DSCAM: variants seen among roughly 807,000 people sequenced by gnomAD.
The protein encoded by DSCAM is cell adhesion molecule DSCAM.
A neutral mutation model predicts 217.7 loss-of-function variants in DSCAM; 47 were observed. The observed-to-expected ratio is 0.22, with a 90% CI of 0.17 to 0.28. DSCAM has a LOEUF of 0.28. DSCAM is among the 10% of genes least tolerant of loss of function. The pLI, the probability that DSCAM is intolerant of heterozygous loss-of-function variation, is 1.00. For missense variants in DSCAM, 2,080 were observed against 2,618.3 expected (o/e 0.79, Z 4.49); for synonymous variants, 1,056 against 1,015.3 (o/e 1.04, Z -0.76).
intron 3 of DSCAM, among the ~76,000 whole-genome samples, chr21:40,377,887 A>C (rs1025709506): frequency 6.6e-6 from 1 of 152,200 alleles, no homozygotes; most frequent in African/African-American, 2.4e-5. Flanking sequence ...GTACATATAC[A>C]ACCTGTACAA....
intron 11 of DSCAM, among the ~76,000 whole-genome samples, chr21:40,220,674 A>G (rs1207905445): frequency 6.6e-6 from 1 of 152,222 alleles, no homozygotes; most frequent in Admixed American, 6.5e-5. Context: ...GATGTATTAG[A>G]ATAGCTATAT....
chr21:40,813,871 T>G (rs554589247), intron 1 of DSCAM, among the ~76,000 whole-genome samples: 2 of 152,244 alleles, frequency 1.3e-5, no homozygotes, highest in East Asian at 3.9e-4. Flanking sequence ...GGTCTTGAAC[T>G]CCTGACCTAG....
intron 32 of DSCAM, among the ~76,000 whole-genome samples, chr21:40,017,801 C>A (rs111343994): frequency 6.6e-6 from 1 of 152,190 alleles, no homozygotes; most frequent in African/African-American, 2.4e-5. Flanking sequence ...ATCCACCCGC[C>A]TCAGCCTCCC....
At chr21:40,537,011 T>C (rs182329477) in intron 3 of DSCAM, among the ~76,000 whole-genome samples, 1 of 152,202 alleles carries the variant, frequency 6.6e-6, no homozygotes, top group East Asian at 1.9e-4. Context: ...TTCCAAACTT[T>C]CCGGATGAAA....
intron 3 of DSCAM, among the ~76,000 whole-genome samples, chr21:40,480,741 G>A (rs2075975163): frequency 6.6e-6 from 1 of 152,186 alleles, no homozygotes; most frequent in South Asian, 2.1e-4. Context: ...GAAAGTTTAA[G>A]TGACAGTAAA....
chr21:40,674,543 T>C (rs1266861352), intron 3 of DSCAM, among the ~76,000 whole-genome samples: 1 of 152,208 alleles, frequency 6.6e-6, no homozygotes, highest in South Asian at 2.1e-4. Flanking sequence ...AAATTATCAA[T>C]TCAGGCTACA....
At chr21:40,110,357 T>A (rs2146633470) in intron 20 of DSCAM, among the ~76,000 whole-genome samples, 1 of 152,310 alleles carries the variant, frequency 6.6e-6, no homozygotes, top group Non-Finnish European at 1.5e-5. Context: ...CTGAGGGTCC[T>A]GACTGTCAGA....
Position 40,167,265 on chromosome 21 carries a change from C to A in DSCAM, c.2971G>T (p.Val991Phe), listed in dbSNP as rs2090606547. The change falls in exon 16 of 33, where the codon GTT becomes TTT. Residue 991 changes from valine (V) to phenylalanine (F), a missense_variant. Val to Phe is a conservative substitution (Grantham distance 50). Coordinates refer to ENST00000400454, the MANE Select transcript of DSCAM (RefSeq NM_001389.5). ...TGAGATGATATAGGCTCCAGGTGAA[C>A]TTCCTGAGGTGGACCATCAGGAGCT... is the stretch of plus-strand genomic sequence containing the variant. ...EAAPDGPPQE[V>F]HLEPISSQSI... 1.2e-6 allele frequency: 2 copies of A among 1,614,060 alleles called. No homozygotes were observed. Among genetic ancestry groups the A allele is most frequent in the East Asian group, 4.5e-5 (2 of 44,862 alleles).
At chr21:40,255,575 G>A (rs2073359522) in intron 11 of DSCAM, among the ~76,000 whole-genome samples, 1 of 152,114 alleles carries the variant, frequency 6.6e-6, no homozygotes, top group Non-Finnish European at 1.5e-5. Flanking sequence ...TCTCTGGGTG[G>A]GTCCAGAGAC....
chr21:40,402,049 C>CTTTTTTTT (rs71186933), intron 3 of DSCAM, among the ~76,000 whole-genome samples: 7 of 58,258 alleles, frequency 1.2e-4, no homozygotes, highest in Non-Finnish European at 1.7e-4. Context: ...ATTCTTATTC[C>CTTTTTTTT]TTTTTTTTTT....
At chr21:40,535,153 T>C (rs577284897) in intron 3 of DSCAM, among the ~76,000 whole-genome samples, 83 of 152,348 alleles carry the variant, frequency 5.4e-4, no homozygotes, top group African/African-American at 1.9e-3. Context: ...TTAAAATGGA[T>C]ACAATGACAC....
At chr21:40,417,078 T>C (rs2075379120) in intron 3 of DSCAM, among the ~76,000 whole-genome samples, 1 of 152,206 alleles carries the variant, frequency 6.6e-6, no homozygotes, top group Non-Finnish European at 1.5e-5. Flanking sequence ...CGTCCATATT[T>C]GCATTTCCAA....
At chr21:40,181,926 T>C (rs2090807222) in intron 14 of DSCAM, among the ~76,000 whole-genome samples, 1 of 151,386 alleles carries the variant, frequency 6.6e-6, no homozygotes, top group South Asian at 2.1e-4. Context: ...GGGAGACTGG[T>C]GGTGTAGGAG....
At chr21:40,124,144 AGCTCGTCCCTGGCAGAC>A in intron 20 of DSCAM, 34 bp downstream of exon 20, 1 of 1,611,050 alleles carries the variant, frequency 6.2e-7, no homozygotes, top group Non-Finnish European at 8.5e-7. Context: ...GAGCACCTGC[AGCTCGTCCCTGGCAGAC>A]GCTTGAAAGG....
At chr21:40,695,935 C>T (rs1022737544) in intron 2 of DSCAM, among the ~76,000 whole-genome samples, 6 of 152,052 alleles carry the variant, frequency 3.9e-5, no homozygotes, top group South Asian at 4.1e-4. Flanking sequence ...CTGTCTATGG[C>T]GATATATCTC....
chr21:40,436,995 G>C lies in DSCAM; in HGVS notation c.509-67750C>G, dbSNP rs538412883. ...TGCATGTGAGTTATGGCCTCTTTTT[G>C]GGAAATAGTGTGTTACACTTACTGC... On this transcript the variant is annotated intron_variant, in intron 3 of 32. Coordinates refer to ENST00000400454, the MANE Select transcript of DSCAM (RefSeq NM_001389.5). Among the ~76,000 whole-genome samples, 3 of 152,246 alleles carry C rather than the reference G, an allele frequency of 2.0e-5. No individual in the cohort carries two copies. In the South Asian group the frequency reaches 6.2e-4, roughly 32 times the overall value.
chr21:40,841,144 G>A (rs771873745), intron 1 of DSCAM, among the ~76,000 whole-genome samples: 34 of 152,142 alleles, frequency 2.2e-4, no homozygotes, highest in Non-Finnish European at 4.4e-4. Flanking sequence ...ATAATATGGA[G>A]GGAACTGATT....
At chr21:40,211,343 G>C (rs931787994) in intron 11 of DSCAM, among the ~76,000 whole-genome samples, 4 of 152,156 alleles carry the variant, frequency 2.6e-5, no homozygotes. Flanking sequence ...AGCTGCTATG[G>C]ATATTTTTAT....
rs1327852582 is a variant in DSCAM, at chr21:40,847,110, G to A, written c.-449C>T. On this transcript the variant is annotated 5_prime_UTR_variant, in exon 1 of 33. Coordinates refer to ENST00000400454, the MANE Select transcript of DSCAM (RefSeq NM_001389.5). ...TCATCTTTGCCGTGCTCCGGCCTCA[G>A]TCACATGGATCCCTCTGCCAACCTT... is the stretch of plus-strand genomic sequence containing the variant. The A allele has an allele frequency of 2.0e-5, 3 of 152,302 alleles. No homozygotes were observed. The East Asian group carries it at 5.8e-4, about 29-fold the overall frequency. The allele number at this position is 152,302 out of a possible 1,614,324, so 9.4% of individuals were successfully genotyped here.
Sources: gnomAD v4.1 joint callset for allele counts (sites outside exome capture counted in the v4.1 genomes callset) on GRCh38, gnomAD v4.1.1 for gene constraint, MANE v1.5 for transcripts, NCBI Gene and HGNC (gene_info 2026-07-23, HGNC 2026-07-21) for gene names.